The following PDZD2 variants were observed in gnomAD, a reference collection of about 807,000 sequenced individuals.
The protein encoded by PDZD2 is PDZ domain-containing protein 2.
PDZD2 carries 90 observed loss-of-function variants against 220.7 expected under a neutral mutation model. The observed-to-expected ratio is 0.41, with a 90% CI of 0.34 to 0.49. The LOEUF (loss-of-function observed/expected upper bound fraction) is 0.49, where lower values mean the gene tolerates loss of function less well. Among genes scored for constraint, PDZD2 ranks in the 20% least tolerant of loss-of-function variants. The pLI is 0.28. For synonymous variants in PDZD2, 1,375 were observed against 1,450.5 expected, an observed-to-expected ratio of 0.95 and a Z score of 1.18; for missense variants, 3,174 against 3,608.5, an observed-to-expected ratio of 0.88 and a Z score of 3.08.
chr5:32,080,761 C>G (rs1264807683), intron 19 of PDZD2, among the ~76,000 whole-genome samples: 1 of 152,154 alleles, frequency 6.6e-6, no homozygotes, highest in Non-Finnish European at 1.5e-5. Flanking sequence ...GAGATCATGT[C>G]CTTTGCAGGG....
intron 17 of PDZD2, 121 bp downstream of exon 17, chr5:32,072,438 G>A: frequency 1.2e-6 from 1 of 818,828 alleles, no homozygotes; most frequent in Non-Finnish European, 1.9e-6. Context: ...CGAGAAAAGA[G>A]CTGGAGACCA....
intron 2 of PDZD2, among the ~76,000 whole-genome samples, chr5:31,846,398 G>A (rs1757589994): frequency 1.3e-5 from 2 of 152,232 alleles, no homozygotes; most frequent in Admixed American, 1.3e-4. Context: ...GCCTCCCAAA[G>A]TGCTGGGATT....
chr5:31,711,009 C>T (rs1005671099), intron 1 of PDZD2, among the ~76,000 whole-genome samples: 1 of 152,168 alleles, frequency 6.6e-6, no homozygotes, highest in African/African-American at 2.4e-5. Flanking sequence ...GCAACAATTT[C>T]CATTCACGCC....
At chr5:32,096,032 C>G (rs1053495995) in intron 21 of PDZD2, among the ~76,000 whole-genome samples, 1 of 151,124 alleles carries the variant, frequency 6.6e-6, no homozygotes, top group Non-Finnish European at 1.5e-5. Flanking sequence ...CGTGAGCCAC[C>G]GCACCCGGCG....
chr5:31,894,001 T>C (rs1741301600), intron 2 of PDZD2, among the ~76,000 whole-genome samples: 1 of 151,224 alleles, frequency 6.6e-6, no homozygotes, highest in Non-Finnish European at 1.5e-5. Context: ...TTCAAGTGAT[T>C]CTCCTGCCTC....
rs755929090 is a variant in PDZD2 at position 32,108,160 on chromosome 5, G to GTTCTC, written c.*30_*34dup. ...AATTTTAACAAGAATCATTTTCTCA[G>GTTCTC]TTCTCTTCTTTCTTTAGCAAATCAG... On this transcript the variant is annotated 3_prime_UTR_variant, in exon 25 of 25. Transcript: ENST00000438447. The GTTCTC allele has an allele frequency of 6.5e-7, 1 of 1,532,602 alleles. No homozygotes were observed. Among genetic ancestry groups the GTTCTC allele is most frequent in the Admixed American group, 1.8e-5 (1 of 56,428 alleles). 94.9% of individuals were successfully genotyped at this position (1,532,602 alleles called of 1,614,324 possible). A position where few individuals can be genotyped will look rare whatever the true frequency, so the allele number is the denominator to read the frequency against.
Position 32,090,048 on chromosome 5 carries a change from C to T in PDZD2, c.6600C>T (p.Asn2200=). 2 of 1,613,100 alleles carry T rather than the reference C, an allele frequency of 1.2e-6. No individual in the cohort carries two copies. The highest frequency in any genetic ancestry group is 1.7e-6 in the Non-Finnish European group (2 of 1,179,662). ...CAGACTCCCGAGGGGTGCCCAGAAA[C>T]AGCATTCCAGGGGGCCCCTCGGGGG... ...LMSDSRGVPR[N]SIPGGPSGED... The change falls in exon 20 of 25, where the codon AAC becomes AAT. Residue 2200 remains asparagine (N), a synonymous_variant. Transcript: ENST00000438447. The surrounding 1 kb of genome is among the most constrained non-coding windows in gnomAD (Gnocchi z 4.3).
rs572197280 is a variant in PDZD2, at chr5:32,089,157, G to T, written c.5709G>T (p.Ala1903=). 1.2e-6 allele frequency: 2 copies of T among 1,612,290 alleles called. No homozygotes were observed. The highest frequency in any genetic ancestry group is 1.7e-6 in the Non-Finnish European group (2 of 1,180,018). ...KAKVNSEAPA[A]NAVKAGGTDH... is the part of the protein sequence containing the mutation. ...AAGTCAACTCTGAGGCCCCTGCTGC[G>T]AATGCTGTGAAGGCTGGGGGGACGG... Residue 1903 remains alanine (A), a synonymous_variant, in exon 20 of 25, where the codon GCG becomes GCT. Transcript: ENST00000438447.
chr5:31,708,867 A>G (rs1747945743), intron 1 of PDZD2, among the ~76,000 whole-genome samples: 1 of 145,568 alleles, frequency 6.9e-6, no homozygotes, highest in Non-Finnish European at 1.5e-5. Flanking sequence ...GGTAGTCCTC[A>G]GCAAATGTGT....
chr5:32,037,224 A>G lies in PDZD2; in HGVS notation c.1408-7A>G, dbSNP rs767684191. On this transcript the variant is annotated splice_region_variant and splice_polypyrimidine_tract_variant and intron_variant, in intron 6 of 24. Coordinates refer to ENST00000438447, the MANE Select transcript of PDZD2 (RefSeq NM_178140.4). ...CTCCCATCAGCTCTGTGCTTTCTGC[A>G]TTTCAGATGCCTGGGACAGATGAAC... 8.8e-6 allele frequency: 14 copies of G among 1,597,380 alleles called. No individual in the cohort carries two copies. Among genetic ancestry groups the G allele is most frequent in the South Asian group, 7.7e-5 (7 of 90,712 alleles).
At chr5:31,653,493 A>G (rs1222159336) in intron 1 of PDZD2, among the ~76,000 whole-genome samples, 1 of 152,206 alleles carries the variant, frequency 6.6e-6, no homozygotes. Context: ...CTGTCCTTCA[A>G]AAACATATAA....
chr5:31,647,417 G>GTA (rs1436910404), intron 1 of PDZD2, among the ~76,000 whole-genome samples: 1 of 152,084 alleles, frequency 6.6e-6, no homozygotes, highest in African/African-American at 2.4e-5. Context: ...TCCTCTCACA[G>GTA]TATCCTCTTC....
chr5:31,750,844 G>A (rs495578), intron 1 of PDZD2, among the ~76,000 whole-genome samples: 88,976 of 151,918 alleles, frequency 0.59, 26,491 homozygotes, highest in East Asian at 0.8. Flanking sequence ...GTGGGTTGTG[G>A]GGAAGAAGTA....
chr5:31,825,803 G>A (rs1038814917), intron 2 of PDZD2, among the ~76,000 whole-genome samples: 4 of 152,108 alleles, frequency 2.6e-5, no homozygotes, highest in Admixed American at 2.6e-4. Flanking sequence ...TGCTAACCAC[G>A]GTGCTGCTTG....
intron 1 of PDZD2, among the ~76,000 whole-genome samples, chr5:31,720,860 G>A (rs1748745108): frequency 6.6e-6 from 1 of 152,180 alleles, no homozygotes; most frequent in African/African-American, 2.4e-5. Context: ...AAAGGTTGGG[G>A]AGAAGGTGGG....
intron 2 of PDZD2, among the ~76,000 whole-genome samples, chr5:31,958,705 C>T (rs548726735): frequency 3.6e-4 from 55 of 152,198 alleles, no homozygotes; most frequent in African/African-American, 1.2e-3. Context: ...ACTGCAGCCT[C>T]GACCTCCTAG....
chr5:32,049,262 T>C (rs948903577), intron 8 of PDZD2, among the ~76,000 whole-genome samples: 1 of 152,180 alleles, frequency 6.6e-6, no homozygotes, highest in African/African-American at 2.4e-5. Flanking sequence ...CATCTCAGCA[T>C]CCTCAACCTG....
chr5:31,862,458 A>G (rs1023796722), intron 2 of PDZD2, among the ~76,000 whole-genome samples: 3 of 151,886 alleles, frequency 2.0e-5, no homozygotes, highest in Non-Finnish European at 2.9e-5. Flanking sequence ...AAGGACCATA[A>G]TTTGCACACC....
chr5:31,689,822 C>T (rs1747047085), intron 1 of PDZD2, among the ~76,000 whole-genome samples: 1 of 152,042 alleles, frequency 6.6e-6, no homozygotes, highest in African/African-American at 2.4e-5. Flanking sequence ...AATTTCTGTT[C>T]AAAAAGAAGG....
Sources: allele counts gnomAD v4.1 joint callset (sites outside exome capture counted in the v4.1 genomes callset), GRCh38; gene constraint gnomAD v4.1.1; non-coding constraint Gnocchi (gnomAD v3.1); transcripts MANE v1.5; gene names NCBI Gene and HGNC (gene_info 2026-07-23, HGNC 2026-07-21).